The following MAPKAP1 variants were observed in gnomAD, a reference collection of about 807,000 sequenced individuals.
MAPKAP1 encodes target of rapamycin complex 2 subunit MAPKAP1.
A neutral mutation model predicts 65.7 loss-of-function variants in MAPKAP1; 20 were observed. The observed-to-expected ratio is 0.30, with a 90% CI of 0.21 to 0.44. The LOEUF (loss-of-function observed/expected upper bound fraction) is 0.44, where lower values mean the gene tolerates loss of function less well. Among genes scored for constraint, MAPKAP1 ranks in the 20% least tolerant of loss-of-function variants. The pLI, the probability that MAPKAP1 is intolerant of heterozygous loss-of-function variation, is 1.00. For missense variants in MAPKAP1, 423 were observed against 648.0 expected (o/e 0.65, Z 3.77); for synonymous variants, 222 against 244.3 (o/e 0.91, Z 0.85).
At chr9:125,606,445 C>T (rs887524001) in intron 4 of MAPKAP1, among the ~76,000 whole-genome samples, 4 of 152,130 alleles carry the variant, frequency 2.6e-5, no homozygotes, top group Non-Finnish European at 5.9e-5. Context: ...TTGACTCTGA[C>T]AGGTATTGTG....
chr9:125,520,259 A>G (rs1033263788), intron 7 of MAPKAP1, among the ~76,000 whole-genome samples: 2 of 152,184 alleles, frequency 1.3e-5, no homozygotes, highest in African/African-American at 2.4e-5. Flanking sequence ...CACAGTTTTC[A>G]TAAAGTCTGT....
At chr9:125,650,101 T>C (rs1023687528) in intron 4 of MAPKAP1, among the ~76,000 whole-genome samples, 1 of 152,164 alleles carries the variant, frequency 6.6e-6, no homozygotes. Context: ...CACTTTTGCC[T>C]ACTACTAAAT....
chr9:125,474,300 A>G (rs1232599271), intron 9 of MAPKAP1, among the ~76,000 whole-genome samples: 1 of 152,170 alleles, frequency 6.6e-6, no homozygotes, highest in African/African-American at 2.4e-5. Flanking sequence ...GTCACTGGGC[A>G]TATCTCCTCC....
intron 5 of MAPKAP1, among the ~76,000 whole-genome samples, chr9:125,583,146 T>C (rs1831674576): frequency 6.6e-6 from 1 of 152,240 alleles, no homozygotes; most frequent in Non-Finnish European, 1.5e-5. Flanking sequence ...TTACTATTAT[T>C]ATGTATTTGG....
chr9:125,608,381 C>T (rs1458307321), intron 4 of MAPKAP1, among the ~76,000 whole-genome samples: 1 of 152,154 alleles, frequency 6.6e-6, no homozygotes, highest in Non-Finnish European at 1.5e-5. Context: ...AGGGAAATGG[C>T]ACTGACAGTG....
chr9:125,596,432 GT>G, intron 4 of MAPKAP1: 1 of 787,226 alleles, frequency 1.3e-6, no homozygotes, highest in Non-Finnish European at 2.3e-6. Flanking sequence ...ATTTTGGAGG[GT>G]GGTGGAAGCT....
At chr9:125,696,604 T>C (rs1326157188) in intron 1 of MAPKAP1, among the ~76,000 whole-genome samples, 1 of 150,938 alleles carries the variant, frequency 6.6e-6, no homozygotes, top group African/African-American at 2.4e-5. Context: ...TATAAATGCA[T>C]ATATGAAAAA....
chr9:125,461,742 T>G (rs1354730376), intron 10 of MAPKAP1, among the ~76,000 whole-genome samples: 1 of 152,192 alleles, frequency 6.6e-6, no homozygotes, highest in Non-Finnish European at 1.5e-5. Flanking sequence ...CTGGAACTTA[T>G]GAAATAAGCC....
chr9:125,617,048 G>C (rs1005510184), intron 4 of MAPKAP1, among the ~76,000 whole-genome samples: 1 of 152,128 alleles, frequency 6.6e-6, no homozygotes, highest in Non-Finnish European at 1.5e-5. Flanking sequence ...CTATTTGTGT[G>C]TGTGTGAAGT....
At chr9:125,575,200 A>C (rs141845590) in intron 5 of MAPKAP1, among the ~76,000 whole-genome samples, 1 of 152,276 alleles carries the variant, frequency 6.6e-6, no homozygotes, top group African/African-American at 2.4e-5. Context: ...GCCACTACAA[A>C]AAATTTTAAA....
intron 5 of MAPKAP1, chr9:125,568,980 G>C (rs982786725): frequency 1.8e-5 from 3 of 170,682 alleles, no homozygotes; most frequent in Admixed American, 6.3e-5. Context: ...AGAATTCTAA[G>C]GCTAGTCTTA....
At chr9:125,455,746 T>C (rs1853139778) in intron 10 of MAPKAP1, among the ~76,000 whole-genome samples, 1 of 152,264 alleles carries the variant, frequency 6.6e-6, no homozygotes, top group Admixed American at 6.5e-5. Context: ...TGGGCTGGAT[T>C]TGGCCTGTGG....
intron 4 of MAPKAP1, among the ~76,000 whole-genome samples, chr9:125,644,378 A>G (rs1436186725): frequency 6.6e-6 from 1 of 152,224 alleles, no homozygotes; most frequent in Admixed American, 6.5e-5. Flanking sequence ...ATGAAACAGA[A>G]AATTTCACAT....
At chr9:125,508,879 C>CGTATTAT (rs1829220367) in intron 7 of MAPKAP1, among the ~76,000 whole-genome samples, 1 of 151,776 alleles carries the variant, frequency 6.6e-6, no homozygotes, top group Non-Finnish European at 1.5e-5. Context: ...CAACCTAGGT[C>CGTATTAT]TAATACGGGG....
intron 8 of MAPKAP1, among the ~76,000 whole-genome samples, chr9:125,487,400 C>T (rs1454890843): frequency 1.3e-5 from 2 of 152,126 alleles, no homozygotes; most frequent in African/African-American, 2.4e-5. Context: ...ACTTCTTATA[C>T]ATGAGAATTG....
At chr9:125,500,031 T>C (rs574769562) in intron 8 of MAPKAP1, among the ~76,000 whole-genome samples, 20 of 152,310 alleles carry the variant, frequency 1.3e-4, no homozygotes, top group African/African-American at 4.1e-4. Flanking sequence ...TACTGTGGAA[T>C]ACTGCATAGT....
chr9:125,584,617 G>C (rs1831724440), intron 5 of MAPKAP1, among the ~76,000 whole-genome samples: 1 of 152,100 alleles, frequency 6.6e-6, no homozygotes, highest in South Asian at 2.1e-4. Context: ...AGTAGAGAAA[G>C]GGTTTCACCA....
chr9:125,645,229 C>G (rs1455718740), intron 4 of MAPKAP1, among the ~76,000 whole-genome samples: 18 of 152,222 alleles, frequency 1.2e-4, no homozygotes. Flanking sequence ...TGCAGAAGAG[C>G]TACAGAGGCA....
chr9:125,694,999 T>A (rs1835341171), intron 1 of MAPKAP1, among the ~76,000 whole-genome samples: 1 of 152,256 alleles, frequency 6.6e-6, no homozygotes, highest in African/African-American at 2.4e-5. Flanking sequence ...AGTTCAGACT[T>A]AAGTTTTTGT....
Sources: allele counts gnomAD v4.1 joint callset (sites outside exome capture counted in the v4.1 genomes callset), GRCh38; gene constraint gnomAD v4.1.1; transcripts MANE v1.5; gene names NCBI Gene and HGNC (gene_info 2026-07-23, HGNC 2026-07-21).